The following SENP1 variants were observed in gnomAD, a reference collection of about 807,000 sequenced individuals.
The protein encoded by SENP1 is sentrin-specific protease 1.
A neutral mutation model predicts 93.0 loss-of-function variants in SENP1; 21 were observed. The observed-to-expected ratio is 0.23, with a 90% CI of 0.16 to 0.33. SENP1 has a LOEUF of 0.33. Ranked by LOEUF, SENP1 falls within the 10% of genes least tolerant of loss-of-function variation. The pLI is 1.00. For missense variants in SENP1, 591 were observed against 758.7 expected (o/e 0.78, Z 2.60); for synonymous variants, 256 against 259.6 (o/e 0.99, Z 0.13).
In SENP1 at chr12:48,065,070, T is replaced by G; in HGVS notation, c.1270A>C (p.Thr424Pro). The G allele has an allele frequency of 6.3e-7, 1 of 1,589,904 alleles. No individual in the cohort carries two copies. Among genetic ancestry groups the G allele is most frequent in the Non-Finnish European group, 8.6e-7 (1 of 1,158,466 alleles). The change falls in exon 12 of 18, where the codon ACA (threonine) becomes CCA (proline). Residue 424 changes from threonine to proline, a missense_variant. Transcript: ENST00000549518. ...TDSEDEFPEI[T>P]EEMEKEIKNV... ...ATTAAGTGTATGTAACTTACCTCTGTAATTTCAGGAAATTCATCTTCACTA... is the reference window on the plus strand; with the variant it reads ...ATTAAGTGTATGTAACTTACCTCTGGAATTTCAGGAAATTCATCTTCACTA...
At chr12:48,086,305 G>C (rs1314042690) in intron 5 of SENP1, among the ~76,000 whole-genome samples, 3 of 152,114 alleles carry the variant, frequency 2.0e-5, no homozygotes, top group African/African-American at 7.2e-5. Context: ...CAATCAGAAT[G>C]CCAATTAAGA....
intron 4 of SENP1, among the ~76,000 whole-genome samples, chr12:48,094,927 T>G (rs1945453568): frequency 6.6e-6 from 1 of 152,166 alleles, no homozygotes; most frequent in Non-Finnish European, 1.5e-5. Flanking sequence ...CCACCATTAA[T>G]ATTGACCTAT....
chr12:48,056,680 TATATAA>T (rs1942447651), intron 13 of SENP1, among the ~76,000 whole-genome samples: 1 of 97,098 alleles, frequency 1.0e-5, no homozygotes, highest in African/African-American at 4.6e-5. Context: ...ACATATTACA[TATATAA>T]ATATATTATT....
chr12:48,051,075 C>G (rs767419), intron 13 of SENP1, among the ~76,000 whole-genome samples: 1 of 140,140 alleles, frequency 7.1e-6, no homozygotes, highest in Non-Finnish European at 1.5e-5. Flanking sequence ...AATCGTAAGT[C>G]TGAAGTGAAA....
At chr12:48,066,818 G>A in intron 10 of SENP1, 109 bp downstream of exon 10, 2 of 879,896 alleles carry the variant, frequency 2.3e-6, no homozygotes, top group South Asian at 2.9e-5. Flanking sequence ...AGCCTAAACA[G>A]GTACTTCTTA....
chr12:48,089,894 C>T (rs762132828), intron 4 of SENP1, among the ~76,000 whole-genome samples: 3 of 152,146 alleles, frequency 2.0e-5, no homozygotes, highest in Admixed American at 6.5e-5. Flanking sequence ...TAGAACTTTT[C>T]GCAATATTGT....
At chr12:48,098,687 T>C (rs1945724359) in intron 2 of SENP1, among the ~76,000 whole-genome samples, 1 of 150,518 alleles carries the variant, frequency 6.6e-6, no homozygotes, top group African/African-American at 2.4e-5. Flanking sequence ...GGCACGTGTC[T>C]GTAGCCTCAA....
chr12:48,076,110 A>G (rs377234850), intron 6 of SENP1, among the ~76,000 whole-genome samples: 2 of 152,360 alleles, frequency 1.3e-5, no homozygotes, highest in African/African-American at 4.8e-5. Context: ...CCCTGACTCA[A>G]TGGGCTATGT....
At chr12:48,073,706 A>G (rs1943878660) in intron 8 of SENP1, among the ~76,000 whole-genome samples, 2 of 152,216 alleles carry the variant, frequency 1.3e-5, no homozygotes, top group Non-Finnish European at 1.5e-5. Flanking sequence ...AATCATTCTA[A>G]AACGCACAAA....
intron 6 of SENP1, among the ~76,000 whole-genome samples, chr12:48,080,761 A>G (rs1221798462): frequency 6.6e-6 from 1 of 152,242 alleles, no homozygotes; most frequent in South Asian, 2.1e-4. Context: ...TTCATGTTAT[A>G]TGGCTTATTC....
chr12:48,077,957 G>GA (rs1032606658), intron 6 of SENP1, among the ~76,000 whole-genome samples: 9 of 151,904 alleles, frequency 5.9e-5, no homozygotes, highest in African/African-American at 2.2e-4. Context: ...TTTTTTCTAT[G>GA]AAAAATAACA....
At chr12:48,057,451 A>G (rs1283036296) in intron 13 of SENP1, among the ~76,000 whole-genome samples, 1 of 148,674 alleles carries the variant, frequency 6.7e-6, no homozygotes, top group Non-Finnish European at 1.5e-5. Context: ...GCCGGTCTCA[A>G]GTTCCTGACC....
Position 48,072,551 on chromosome 12 carries a change from G to A in SENP1, c.941-830C>T, listed in dbSNP as rs186391090. ...AGAATCGCTTGAACCCAGGACATGC[G>A]AGGTTGCAGTGAACCAAGATGGTCC... On this transcript the variant is annotated intron_variant, in intron 8 of 17. Transcript: ENST00000549518. Among the ~76,000 whole-genome samples the A allele has an allele frequency of 5.9e-5, 9 of 152,182 alleles. No individual in the cohort carries two copies. The East Asian group carries it at 7.7e-4, about 13-fold the overall frequency.
At chr12:48,097,904 T>C in intron 3 of SENP1, 90 bp downstream of exon 3, 2 of 1,183,078 alleles carry the variant, frequency 1.7e-6, no homozygotes, top group Non-Finnish European at 1.2e-6. Context: ...TATGCTTGTA[T>C]TTTTGAGTGT....
At chr12:48,069,152 CAAAAAAAAAAAA>C (rs10564674) in intron 9 of SENP1, among the ~76,000 whole-genome samples, 3 of 76,336 alleles carry the variant, frequency 3.9e-5, no homozygotes, top group African/African-American at 5.6e-5. Flanking sequence ...GACTCTGTCA[CAAAAAAAAAAAA>C]AAAAAAAAAA....
At chr12:48,089,820 A>G (rs1327058332) in intron 4 of SENP1, among the ~76,000 whole-genome samples, 2 of 152,190 alleles carry the variant, frequency 1.3e-5, no homozygotes, top group Non-Finnish European at 2.9e-5. Flanking sequence ...ATAATTCTCT[A>G]TTTCTGGAAT....
chr12:48,084,456 T>TTG (rs1944702445), intron 5 of SENP1, among the ~76,000 whole-genome samples: 1 of 148,876 alleles, frequency 6.7e-6, no homozygotes, highest in African/African-American at 2.5e-5. Context: ...AGTTTTTTTT[T>TTG]TTTTTTTTTT....
At chr12:48,066,106 G>A (rs1289913271) in intron 10 of SENP1, among the ~76,000 whole-genome samples, 1 of 152,100 alleles carries the variant, frequency 6.6e-6, no homozygotes, top group East Asian at 1.9e-4. Context: ...ATGCTTTTAA[G>A]ATTATAGTGA....
At chr12:48,066,850 G>A (rs1256463275) in intron 10 of SENP1, 77 bp downstream of exon 10, 1 of 1,159,558 alleles carries the variant, frequency 8.6e-7, no homozygotes, top group African/African-American at 1.5e-5. Flanking sequence ...TAAGCAGGAT[G>A]ATTAGCTAAT....
Sources: allele counts gnomAD v4.1 joint callset (sites outside exome capture counted in the v4.1 genomes callset), GRCh38; gene constraint gnomAD v4.1.1; transcripts MANE v1.5; gene names NCBI Gene and HGNC (gene_info 2026-07-23, HGNC 2026-07-21).